The following DHRS9 variants were observed in gnomAD, a reference collection of about 807,000 sequenced individuals.
DHRS9 encodes dehydrogenase/reductase SDR family member 9.
A neutral mutation model predicts 26.6 loss-of-function variants in DHRS9; 18 were observed. That is an observed-to-expected ratio of 0.68 (90% confidence interval 0.47 to 1.00). The LOEUF (loss-of-function observed/expected upper bound fraction) is 1.00, where lower values mean the gene tolerates loss of function less well. Ranked by LOEUF, DHRS9 falls within the 50% of genes least tolerant of loss-of-function variation. The pLI is 0.00. For missense variants in DHRS9, 425 were observed against 378.7 expected (o/e 1.12, Z -1.01); for synonymous variants, 134 against 141.1 (o/e 0.95, Z 0.36).
chr2:169,083,363 C>T lies in DHRS9; in HGVS notation c.348C>T (p.Pro116=), dbSNP rs950628027. Residue 116 remains proline, a synonymous_variant, in exon 3 of 5, where the codon CCC becomes CCT. Transcript: ENST00000674881. ...LWGLINNAGV[P]GVLAPTDWLT... is the part of the protein sequence containing the mutation. ...GTCTGATCAATAATGCTGGTGTTCC[C>T]GGCGTGCTGGCTCCCACTGACTGGC... 2.0e-5 allele frequency: 33 copies of T among 1,613,914 alleles called. No homozygotes were observed. The highest frequency in any genetic ancestry group is 3.3e-4 in the Middle Eastern group (2 of 6,082).
rs1451367156 is a variant in DHRS9, at chr2:169,081,672, T to A, written c.91T>A (p.Tyr31Asn). The A allele has an allele frequency of 1.2e-6, 2 of 1,614,182 alleles. No homozygotes were observed. The highest frequency in any genetic ancestry group is 8.5e-7 in the Non-Finnish European group (1 of 1,180,016). ...KLKIEDITDKYIFITGCDSGF... is the reference protein window; with the variant it reads ...KLKIEDITDKNIFITGCDSGF... ...AAAGATTGAAGACATCACTGATAAG[T>A]ACATTTTTATCACTGGATGTGACTC... Residue 31 changes from tyrosine to asparagine, a missense_variant, in exon 2 of 5, where the codon TAC becomes AAC. Transcript: ENST00000674881.
intron 1 of DHRS9, chr2:169,070,426 A>G (rs1361537036): frequency 3.1e-5 from 31 of 985,328 alleles, no homozygotes; most frequent in Non-Finnish European, 3.6e-5. Flanking sequence ...TTTTAAAATC[A>G]ACAATCAAGT....
intron 3 of DHRS9, among the ~76,000 whole-genome samples, chr2:169,089,399 C>T (rs1444039504): frequency 2.0e-5 from 3 of 152,134 alleles, no homozygotes; most frequent in Non-Finnish European, 4.4e-5. Context: ...CCAGAGTATA[C>T]TTAGTGCAGG....
intron 4 of DHRS9, 133 bp downstream of exon 4, chr2:169,092,086 C>G: frequency 9.7e-7 from 1 of 1,033,798 alleles, no homozygotes. Flanking sequence ...GATCAGGGAT[C>G]TCCTATTAAT....
At chr2:169,067,262 A>C, upstream of DHRS9, 1 of 1,535,458 alleles carries the variant, frequency 6.5e-7, no homozygotes, top group Non-Finnish European at 8.7e-7. Flanking sequence ...CAGCCTGCAC[A>C]CTGGAGTAAG....
In DHRS9 at chr2:169,095,932, T is replaced by A. The variant is rs907211733; in HGVS notation, c.*165T>A. The stretch of plus-strand genomic sequence containing the variant: ...CACCATCGCTGGTGGTATCCCAGGG[T>A]CCCTGCTCAAGTTTTCTTTGAAAAG... On this transcript the variant is annotated 3_prime_UTR_variant, in exon 5 of 5. Coordinates refer to ENST00000674881, the MANE Select transcript of DHRS9 (RefSeq NM_001376924.1). 7.5e-6 allele frequency: 5 copies of A among 664,044 alleles called. No homozygotes were observed. Among genetic ancestry groups the A allele is most frequent in the Admixed American group, 2.8e-5 (1 of 35,144 alleles). The allele number at this position is 664,044 out of a possible 1,614,324, so 41.1% of individuals were successfully genotyped here. A position where few individuals can be genotyped will look rare whatever the true frequency, so the allele number is the denominator to read the frequency against.
intron 1 of DHRS9, among the ~76,000 whole-genome samples, chr2:169,077,656 G>A (rs1684002988): frequency 6.6e-6 from 1 of 151,732 alleles, no homozygotes; most frequent in African/African-American, 2.4e-5. Flanking sequence ...AGAAACCCCT[G>A]AATTCTATCC....
upstream of DHRS9, among the ~76,000 whole-genome samples, chr2:169,068,569 G>T (rs761405312): frequency 3.9e-5 from 6 of 152,066 alleles, no homozygotes; most frequent in Non-Finnish European, 4.4e-5. Context: ...CAAGTGATCC[G>T]CCCGCTTTGG....
At chr2:169,081,044 C>A in intron 1 of DHRS9, 2 of 759,828 alleles carry the variant, frequency 2.6e-6, no homozygotes, top group Non-Finnish European at 3.2e-6. Context: ...TCTTCTTCTC[C>A]TGACAGTTTG....
chr2:169,070,136 T>A, intron 1 of DHRS9: 1 of 985,430 alleles, frequency 1.0e-6, no homozygotes, highest in African/African-American at 1.7e-5. Flanking sequence ...GCAGGTCTGA[T>A]CTGTTTGTCT....
chr2:169,081,836 C>T lies in DHRS9; in HGVS notation c.255C>T (p.Thr85=), dbSNP rs372946347. ...TTCGTACTGTGCTTCTGGATGTGAC[C>T]GACCCAGAGAATGTCAAGAGGACTG... is the stretch of plus-strand genomic sequence containing the variant. ...ERLRTVLLDV[T]DPENVKRTAQ... is the part of the protein sequence containing the mutation. The change falls in exon 2 of 5, where the codon ACC becomes ACT. Residue 85 remains threonine, a synonymous_variant. Transcript: ENST00000674881. 1.8e-5 allele frequency: 29 copies of T among 1,613,778 alleles called. No homozygotes were observed. The highest frequency in any genetic ancestry group is 1.0e-4 in the Admixed American group (6 of 59,974).
chr2:169,091,876 T>A lies in DHRS9; in HGVS notation c.659T>A (p.Ile220Asn). Residue 220 changes from isoleucine (I) to asparagine (N), a missense_variant, in exon 4 of 5, where the codon ATT becomes AAT. Coordinates refer to ENST00000674881, the MANE Select transcript of DHRS9 (RefSeq NM_001376924.1). Reference protein sequence around the residue: ...KTNLADPVKVIEKKLAIWEQL... With the variant: ...KTNLADPVKVNEKKLAIWEQL... ...AACTTGGCAGATCCAGTAAAGGTAA[T>A]TGAAAAAAAACTCGCCATTTGGGAG... 1 of 1,613,994 alleles carries A rather than the reference T, an allele frequency of 6.2e-7. No homozygotes were observed. The highest frequency in any genetic ancestry group is 1.3e-5 in the African/African-American group (1 of 75,016).
At position 169,090,155 on chromosome 2, in the gene DHRS9, T is replaced by C. The variant is rs144343077; in HGVS notation, c.573-1635T>C. Among the ~76,000 whole-genome samples, 1,169 of 152,354 alleles carry C rather than the reference T, an allele frequency of 7.7e-3. 8 individuals are homozygous for C. The highest frequency in any genetic ancestry group is 0.013 in the Non-Finnish European group (907 of 68,030). Reference sequence around the variant, plus strand: ...TATGTAGGTGCGCCACAATCCAGTGTCAGCGTCACAATTTCTATATATAGG... The same window carrying C: ...TATGTAGGTGCGCCACAATCCAGTGCCAGCGTCACAATTTCTATATATAGG... On this transcript the variant is annotated intron_variant, in intron 3 of 4. Coordinates refer to ENST00000674881, the MANE Select transcript of DHRS9 (RefSeq NM_001376924.1).
rs780468639 is a variant in DHRS9 at position 169,091,785 on chromosome 2, C to G, written c.573-5C>G. 5.0e-6 allele frequency: 8 copies of G among 1,600,088 alleles called. 1 individual carries two copies. In the South Asian group the frequency reaches 8.9e-5, roughly 18 times the overall value. ...TTAAACATCTTCAATGGGTTCTTTTCACAGACGGGACATGAAAGCTTTTGG... is the reference window on the plus strand; with the variant it reads ...TTAAACATCTTCAATGGGTTCTTTTGACAGACGGGACATGAAAGCTTTTGG... On this transcript the variant is annotated splice_region_variant and splice_polypyrimidine_tract_variant and intron_variant, in intron 3 of 4. Transcript: ENST00000674881.
chr2:169,081,191 G>T, intron 1 of DHRS9: 1 of 991,892 alleles, frequency 1.0e-6, no homozygotes, highest in Non-Finnish European at 1.2e-6. Context: ...CCTGATAGAC[G>T]AGTTCACTCC....
chr2:169,085,430 C>T (rs1336941743), intron 3 of DHRS9, among the ~76,000 whole-genome samples: 1 of 152,158 alleles, frequency 6.6e-6, no homozygotes, highest in Non-Finnish European at 1.5e-5. Flanking sequence ...GTATTGTGCA[C>T]ATTTTAATAA....
At chr2:169,081,054 G>T (rs1684165406) in intron 1 of DHRS9, 1 of 814,432 alleles carries the variant, frequency 1.2e-6, no homozygotes, top group South Asian at 5.5e-5. Context: ...CTGACAGTTT[G>T]AAGATAATTG....
At chr2:169,080,516 T>G (rs986722783) in intron 1 of DHRS9, among the ~76,000 whole-genome samples, 2 of 152,214 alleles carry the variant, frequency 1.3e-5, no homozygotes, top group Non-Finnish European at 2.9e-5. Flanking sequence ...TCACTTCCTC[T>G]TTCTGGATGG....
At chr2:169,090,923 G>A (rs1574036936) in intron 3 of DHRS9, among the ~76,000 whole-genome samples, 1 of 152,178 alleles carries the variant, frequency 6.6e-6, no homozygotes, top group Non-Finnish European at 1.5e-5. Flanking sequence ...CAATCACAGG[G>A]CAAAGAACTG....
Sources: allele counts gnomAD v4.1 joint callset (sites outside exome capture counted in the v4.1 genomes callset), GRCh38; gene constraint gnomAD v4.1.1; transcripts MANE v1.5; gene names NCBI Gene and HGNC (gene_info 2026-07-23, HGNC 2026-07-21).